The following TMEM98 variants were observed in gnomAD, a reference collection of about 807,000 sequenced individuals.
TMEM98 encodes transmembrane protein 98.
In TMEM98, 18 loss-of-function variants were observed where a neutral mutation model predicts 25.0. That is an observed-to-expected ratio of 0.72 (90% CI 0.50 to 1.07). The LOEUF (loss-of-function observed/expected upper bound fraction) is 1.07, where lower values mean the gene tolerates loss of function less well. TMEM98 is among the 50% of genes least tolerant of loss of function. TMEM98 has a pLI of 0.00. For synonymous variants in TMEM98, 103 were observed against 112.4 expected (o/e 0.92, Z 0.53); for missense variants, 241 against 289.0 (o/e 0.83, Z 1.20).
rs2091536181 is a variant in TMEM98 at position 32,942,529 on chromosome 17, T to C, written c.*1536T>C. On this transcript the variant is annotated 3_prime_UTR_variant, in exon 8 of 8. Transcript: ENST00000579849. ...GATTGGGACCTGGTTTGTCTTTCCA[T>C]TTGGGCACATTTCATTCTTTCCAGG... The C allele has an allele frequency of 6.6e-6, 1 of 152,208 alleles. No individual in the cohort carries two copies. Among genetic ancestry groups the C allele is most frequent in the African/African-American group, 2.4e-5 (1 of 41,448 alleles). The allele number at this position is 152,208 out of a possible 1,614,324, so 9.4% of individuals were successfully genotyped here.
At chr17:32,940,151 C>T (rs2091520925) in intron 7 of TMEM98, among the ~76,000 whole-genome samples, 2 of 152,156 alleles carry the variant, frequency 1.3e-5, no homozygotes, top group Admixed American at 1.3e-4. Flanking sequence ...GTTTCTCTGC[C>T]CCACTCCTAC....
rs568739009 is a variant in TMEM98 at position 32,931,173 on chromosome 17, C to T, written c.-130-154C>T. On this transcript the variant is annotated intron_variant, in intron 1 of 7. Transcript: ENST00000579849. ...GAGCTGAGATCGTGCCATTGCACTC[C>T]AGCCTGGGTGACAGAGCTAGACTCC... The T allele has an allele frequency of 2.6e-3, 475 of 182,750 alleles. 1 individual carries two copies. The highest frequency in any genetic ancestry group is 0.011 in the African/African-American group (445 of 42,144). The allele number at this position is 182,750 out of a possible 1,614,324, so 11.3% of individuals were successfully genotyped here. A position where few individuals can be genotyped will look rare whatever the true frequency, so the allele number is the denominator to read the frequency against.
intron 5 of TMEM98, among the ~76,000 whole-genome samples, chr17:32,934,712 G>C (rs1385630507): frequency 6.6e-6 from 1 of 152,142 alleles, no homozygotes; most frequent in Non-Finnish European, 1.5e-5. Context: ...GGCCTGTATG[G>C]TGAGTTTCTT....
rs150823123 is a variant in TMEM98, at chr17:32,931,588, T to G, written c.60T>G (p.Phe20Leu). ...GVLATIFLAS[F>L]AALVLVCRQR... ...TGGCCACCATCTTTCTGGCTTCGTTTGCAGCCTTGGTGCTGGTTTGCAGGC... is the reference window on the plus strand; with the variant it reads ...TGGCCACCATCTTTCTGGCTTCGTTGGCAGCCTTGGTGCTGGTTTGCAGGC... Residue 20 changes from phenylalanine (F) to leucine (L), a missense_variant, in exon 3 of 8, where the codon TTT becomes TTG. By Grantham distance (22) the Phe-to-Leu change is conservative. Transcript: ENST00000579849. 1 of 1,604,668 alleles carries G rather than the reference T, an allele frequency of 6.2e-7. No homozygotes were observed. The highest frequency in any genetic ancestry group is 8.5e-7 in the Non-Finnish European group (1 of 1,175,890).
intron 1 of TMEM98, among the ~76,000 whole-genome samples, chr17:32,928,833 C>G (rs1209646300): frequency 2.0e-5 from 3 of 146,386 alleles, no homozygotes; most frequent in Non-Finnish European, 4.4e-5. Flanking sequence ...GATAAACACT[C>G]AGCTCACACA....
chr17:32,938,611 C>T (rs1361360864), intron 6 of TMEM98, among the ~76,000 whole-genome samples: 1 of 152,058 alleles, frequency 6.6e-6, no homozygotes, highest in Non-Finnish European at 1.5e-5. Flanking sequence ...AGTGTGAAGC[C>T]AAATGAAACT....
chr17:32,929,387 G>A (rs866706725), intron 1 of TMEM98, among the ~76,000 whole-genome samples: 16 of 152,146 alleles, frequency 1.1e-4, no homozygotes, highest in Middle Eastern at 3.2e-3. Flanking sequence ...CAAGTGGGTG[G>A]TCTTGGAGGC....
chr17:32,933,997 T>C (rs150464842), intron 4 of TMEM98, among the ~76,000 whole-genome samples: 6 of 152,212 alleles, frequency 3.9e-5, no homozygotes, highest in East Asian at 3.9e-4. Flanking sequence ...GAAGGACACA[T>C]TGGGCAGAGG....
intron 6 of TMEM98, among the ~76,000 whole-genome samples, chr17:32,938,832 T>A (rs1427663549): frequency 1.3e-5 from 2 of 152,244 alleles, no homozygotes; most frequent in African/African-American, 4.8e-5. Flanking sequence ...AGCTTTTGTT[T>A]ATCTATTTTT....
intron 4 of TMEM98, 103 bp downstream of exon 4, chr17:32,933,408 T>C: frequency 6.8e-7 from 1 of 1,477,294 alleles, no homozygotes; most frequent in South Asian, 1.2e-5. Context: ...ACAGTCACTC[T>C]GTTACTTGCT....
chr17:32,936,546 G>A, intron 6 of TMEM98, 99 bp downstream of exon 6: 1 of 977,924 alleles, frequency 1.0e-6, no homozygotes. Context: ...ATAAAATGGT[G>A]CACAGGCAAC....
At position 32,943,000 on chromosome 17, in the gene TMEM98, A is replaced by C. The variant is rs997397697; in HGVS notation, c.*2007A>C. 7 of 152,166 alleles carry C rather than the reference A, an allele frequency of 4.6e-5. No homozygotes were observed. The highest frequency in any genetic ancestry group is 1.0e-4 in the Non-Finnish European group (7 of 68,058). The allele number at this position is 152,166 out of a possible 1,614,324, so 9.4% of individuals were successfully genotyped here. On this transcript the variant is annotated 3_prime_UTR_variant, in exon 8 of 8. Coordinates refer to ENST00000579849, the MANE Select transcript of TMEM98 (RefSeq NM_015544.3). ...GAAGCAGTTCTGAATTGGTATCTCA[A>C]ATACCATCCACCTGGTGTGGGTCTG...
In TMEM98 at chr17:32,931,575, T is replaced by G. The variant is rs1160977477; in HGVS notation, c.47T>G (p.Phe16Cys). 6.2e-7 allele frequency: 1 copy of G among 1,604,990 alleles called. No individual in the cohort carries two copies. The highest frequency in any genetic ancestry group is 8.5e-7 in the Non-Finnish European group (1 of 1,176,058). Residue 16 changes from phenylalanine (F) to cysteine (C), a missense_variant, in exon 3 of 8, where the codon TTT becomes TGT. Physicochemically the swap from Phe to Cys is radical, Grantham distance 205 (BLOSUM62 -2). Coordinates refer to ENST00000579849, the MANE Select transcript of TMEM98 (RefSeq NM_015544.3). Reference protein sequence around the residue: ...IVAIGVLATIFLASFAALVLV... With the variant: ...IVAIGVLATICLASFAALVLV... ...GCCATAGGTGTGCTGGCCACCATCT[T>G]TCTGGCTTCGTTTGCAGCCTTGGTG...
At chr17:32,928,424 T>TGCGGCGCGTCCCGG (rs575243946) in intron 1 of TMEM98, among the ~76,000 whole-genome samples, 187 bp downstream of exon 1, 3,476 of 146,788 alleles carry the variant, frequency 0.024, 149 homozygotes, top group African/African-American at 0.082. Flanking sequence ...CCGGGGCCCG[T>TGCGGCGCGTCCCGG]GCGGCGCGTC....
At chr17:32,939,746 A>G (rs1375599615) in intron 7 of TMEM98, among the ~76,000 whole-genome samples, 1 of 152,220 alleles carries the variant, frequency 6.6e-6, no homozygotes. Flanking sequence ...AGGAGAAGAA[A>G]GAGGCAGTCT....
At chr17:32,936,275 G>A in intron 5 of TMEM98, 57 bp from the exon 6 acceptor site, 1 of 1,417,032 alleles carries the variant, frequency 7.1e-7, no homozygotes, top group Non-Finnish European at 9.8e-7. Flanking sequence ...CGTGGGGGTG[G>A]CGAGGCCCTG....
chr17:32,934,388 G>A, intron 5 of TMEM98, 64 bp downstream of exon 5: 1 of 1,581,226 alleles, frequency 6.3e-7, no homozygotes, highest in Non-Finnish European at 8.7e-7. Flanking sequence ...TGCGTGGATG[G>A]AGTAGAACGG....
At chr17:32,934,440 T>G (rs2091485471) in intron 5 of TMEM98, 116 bp downstream of exon 5, 2 of 1,169,066 alleles carry the variant, frequency 1.7e-6, no homozygotes, top group Non-Finnish European at 2.5e-6. Context: ...AGGCCTTTCC[T>G]TAACTTGACA....
Position 32,940,887 on chromosome 17 carries a change from C to T in TMEM98, c.575C>T (p.Ala192Val), listed in dbSNP as rs1319568743. 5.0e-6 allele frequency: 8 copies of T among 1,614,062 alleles called. No homozygotes were observed. The highest frequency in any genetic ancestry group is 5.9e-6 in the Non-Finnish European group (7 of 1,180,036). ...GLDWIDQSLS[A>V]AEEHLEVLRE... ...GACTGGATTGACCAGTCTCTGTCGG[C>T]TGCTGAGGAGCATTTGGAAGTCCTT... The change falls in exon 8 of 8, where the codon GCT becomes GTT. Residue 192 changes from alanine (A) to valine (V), a missense_variant. By Grantham distance (64) the Ala-to-Val change is moderately conservative (BLOSUM62 0). Transcript: ENST00000579849.
Sources: gnomAD v4.1 joint callset for allele counts (sites outside exome capture counted in the v4.1 genomes callset) on GRCh38, gnomAD v4.1.1 for gene constraint, MANE v1.5 for transcripts, NCBI Gene and HGNC (gene_info 2026-07-23, HGNC 2026-07-21) for gene names.